The following CDKL3 variants were observed in gnomAD, a reference collection of about 807,000 sequenced individuals.
The protein encoded by CDKL3 is cyclin dependent kinase like 3, also known as cyclin-dependent kinase-like 3.
In CDKL3, 65 loss-of-function variants were observed where a neutral mutation model predicts 69.3. The ratio of observed to expected loss-of-function variants is 0.94; its 90% confidence interval spans 0.77 to 1.15. The LOEUF is 1.15. CDKL3 is among the 50% of genes most tolerant of loss of function. CDKL3 has a pLI of 0.00. For missense variants in CDKL3, 652 were observed against 689.2 expected (o/e 0.95, Z 0.61); for synonymous variants, 202 against 221.6 (o/e 0.91, Z 0.79).
chr5:134,365,415 C>T (rs1039223679), intron 2 of CDKL3, among the ~76,000 whole-genome samples: 13 of 152,046 alleles, frequency 8.6e-5, no homozygotes, highest in African/African-American at 2.9e-4. Flanking sequence ...CCACCGCACC[C>T]GGCCTCATGT....
chr5:134,314,551 C>T (rs1770492609), intron 6 of CDKL3, among the ~76,000 whole-genome samples: 1 of 152,068 alleles, frequency 6.6e-6, no homozygotes, highest in Non-Finnish European at 1.5e-5. Flanking sequence ...GGAAATAACC[C>T]ACATGTCCAT....
At chr5:134,334,469 T>C (rs1776566483) in intron 4 of CDKL3, among the ~76,000 whole-genome samples, 1 of 152,238 alleles carries the variant, frequency 6.6e-6, no homozygotes, top group African/African-American at 2.4e-5. Flanking sequence ...AATTTCCCTA[T>C]ATACACTGCT....
intron 12 of CDKL3, chr5:134,299,689 T>C: frequency 6.5e-7 from 1 of 1,533,212 alleles, no homozygotes; most frequent in East Asian, 2.4e-5. Context: ...TTTCAGCTGC[T>C]GCATTTTCTA....
chr5:134,360,432 T>A (rs1173851072), intron 2 of CDKL3, among the ~76,000 whole-genome samples: 1 of 152,012 alleles, frequency 6.6e-6, no homozygotes, highest in African/African-American at 2.4e-5. Flanking sequence ...CTTGAACTCC[T>A]GACCTCAGGT....
upstream of CDKL3, among the ~76,000 whole-genome samples, chr5:134,369,936 G>T (rs35846335): frequency 6.6e-6 from 1 of 152,098 alleles, no homozygotes; most frequent in Admixed American, 6.6e-5. Flanking sequence ...GGAAGGGTTA[G>T]GACTGCAATG....
intron 4 of CDKL3, among the ~76,000 whole-genome samples, chr5:134,331,782 T>C (rs1775871109): frequency 6.6e-6 from 1 of 152,240 alleles, no homozygotes; most frequent in East Asian, 1.9e-4. Context: ...TGTGTCTTTA[T>C]AGTAACATGA....
chr5:134,363,182 T>C (rs1366680060), intron 2 of CDKL3, among the ~76,000 whole-genome samples: 1 of 152,214 alleles, frequency 6.6e-6, no homozygotes, highest in Non-Finnish European at 1.5e-5. Context: ...CAGTACACAA[T>C]TGCCTTATCT....
intron 4 of CDKL3, among the ~76,000 whole-genome samples, chr5:134,342,764 C>CT (rs1314909245): frequency 6.6e-6 from 1 of 152,146 alleles, no homozygotes; most frequent in African/African-American, 2.4e-5. Context: ...TCTCAGATGT[C>CT]TGTTTTGCAA....
chr5:134,328,117 G>A (rs1012198768), intron 4 of CDKL3, among the ~76,000 whole-genome samples: 1 of 152,144 alleles, frequency 6.6e-6, no homozygotes, highest in African/African-American at 2.4e-5. Flanking sequence ...AGCATGCAAA[G>A]AAATCTGTGA....
intron 5 of CDKL3, among the ~76,000 whole-genome samples, chr5:134,320,834 C>T (rs1407540294): frequency 6.7e-6 from 1 of 149,284 alleles, no homozygotes; most frequent in South Asian, 2.1e-4. Flanking sequence ...AGATCGCGCC[C>T]CTGCACTCCA....
intron 3 of CDKL3, among the ~76,000 whole-genome samples, chr5:134,357,358 C>T (rs1217977597): frequency 6.6e-6 from 1 of 152,036 alleles, no homozygotes; most frequent in African/African-American, 2.4e-5. Flanking sequence ...GCAGGAGAAT[C>T]ACTTGAACCC....
At chr5:134,340,554 AT>A (rs1750219390) in intron 4 of CDKL3, among the ~76,000 whole-genome samples, 1 of 152,194 alleles carries the variant, frequency 6.6e-6, no homozygotes, top group Non-Finnish European at 1.5e-5. Context: ...CTTTACAGAA[AT>A]TAAAAAGATT....
chr5:134,304,592 TGAA>T, intron 10 of CDKL3, 25 bp from the exon 11 acceptor site: 1 of 1,569,410 alleles, frequency 6.4e-7, no homozygotes. Flanking sequence ...AAGAGTTAGT[TGAA>T]GAAATGTGTC....
At chr5:134,362,531 A>T (rs1756307154) in intron 2 of CDKL3, among the ~76,000 whole-genome samples, 2 of 152,142 alleles carry the variant, frequency 1.3e-5, no homozygotes, top group Admixed American at 6.6e-5. Context: ...AAAAAAAGTA[A>T]TTTGAATTAA....
intron 3 of CDKL3, among the ~76,000 whole-genome samples, chr5:134,355,705 C>T (rs1406875326): frequency 1.3e-5 from 2 of 152,154 alleles, no homozygotes. Flanking sequence ...CACGTGTATA[C>T]ATATCCATAA....
In CDKL3 at chr5:134,298,462, T is replaced by C; in HGVS notation, c.*189A>G. ...GATGACTTTATAATTCCAAATCAAA[T>C]TATCACATCAACAGAGTCTTAAAAG... On this transcript the variant is annotated 3_prime_UTR_variant, in exon 13 of 13. Transcript: ENST00000265334. The C allele has an allele frequency of 3.0e-6, 4 of 1,347,470 alleles. No homozygotes were observed. The highest frequency in any genetic ancestry group is 3.8e-6 in the Non-Finnish European group (4 of 1,054,626). 83.5% of individuals were successfully genotyped at this position (1,347,470 alleles called of 1,614,324 possible).
At chr5:134,349,362 T>C (rs555428509) in intron 4 of CDKL3, among the ~76,000 whole-genome samples, 12 of 152,222 alleles carry the variant, frequency 7.9e-5, no homozygotes, top group South Asian at 4.1e-4. Context: ...TGCTGTTTTA[T>C]GTTAGACCGA....
intron 8 of CDKL3, among the ~76,000 whole-genome samples, chr5:134,289,468 C>T (rs1319063810): frequency 6.6e-6 from 1 of 152,052 alleles, no homozygotes; most frequent in Admixed American, 6.6e-5. Context: ...TCAGAGATGC[C>T]CAAGAGTAAA....
At chr5:134,344,304 A>C (rs1751270524) in intron 4 of CDKL3, among the ~76,000 whole-genome samples, 1 of 152,236 alleles carries the variant, frequency 6.6e-6, no homozygotes, top group Non-Finnish European at 1.5e-5. Flanking sequence ...TGGACTTCTT[A>C]AAATTAAAAA....
Sources: gnomAD v4.1 joint callset for allele counts (sites outside exome capture counted in the v4.1 genomes callset) on GRCh38, gnomAD v4.1.1 for gene constraint, MANE v1.5 for transcripts, NCBI Gene and HGNC (gene_info 2026-07-23, HGNC 2026-07-21) for gene names.